CEP128: variants seen among roughly 807,000 people sequenced by gnomAD.
CEP128 encodes the protein centrosomal protein 128kDa.
In CEP128, 132 loss-of-function variants were observed where a neutral mutation model predicts 156.7. That is an observed-to-expected ratio of 0.84 (90% CI 0.73 to 0.97). The LOEUF (loss-of-function observed/expected upper bound fraction) is 0.97, where lower values mean the gene tolerates loss of function less well. CEP128 is among the 50% of genes least tolerant of loss of function. The pLI is 0.00. For synonymous variants in CEP128, 469 were observed against 448.9 expected, an observed-to-expected ratio of 1.04 and a Z score of -0.57; for missense variants, 1,252 against 1,281.9, an observed-to-expected ratio of 0.98 and a Z score of 0.36.
At chr14:80,788,555 A>T (rs947120330) in intron 14 of CEP128, among the ~76,000 whole-genome samples, 1 of 152,048 alleles carries the variant, frequency 6.6e-6, no homozygotes, top group Non-Finnish European at 1.5e-5. Flanking sequence ...TGAAATATGT[A>T]CACAACATAC....
intron 19 of CEP128, among the ~76,000 whole-genome samples, chr14:80,651,230 G>A (rs1366469031): frequency 6.6e-6 from 1 of 152,078 alleles, no homozygotes; most frequent in African/African-American, 2.4e-5. Flanking sequence ...CTCTCTGATG[G>A]TAGTTTGTAT....
At chr14:80,558,103 G>A (rs1053564766) in intron 21 of CEP128, among the ~76,000 whole-genome samples, 6 of 152,074 alleles carry the variant, frequency 3.9e-5, no homozygotes, top group Admixed American at 3.9e-4. Flanking sequence ...ACTGATCACT[G>A]TTGTGAGTTT....
At chr14:80,574,423 T>C (rs1292165160) in intron 20 of CEP128, among the ~76,000 whole-genome samples, 3 of 152,180 alleles carry the variant, frequency 2.0e-5, no homozygotes, top group Non-Finnish European at 4.4e-5. Flanking sequence ...ACAGAAATTA[T>C]CCACCTGGTC....
chr14:80,814,466 A>T (rs1384075855), intron 13 of CEP128, among the ~76,000 whole-genome samples: 2 of 144,044 alleles, frequency 1.4e-5, no homozygotes, highest in East Asian at 4.1e-4. Context: ...TCCTAGCACA[A>T]TCCACCATTA....
intron 22 of CEP128, among the ~76,000 whole-genome samples, chr14:80,530,192 T>C (rs531835786): frequency 2.0e-5 from 3 of 152,342 alleles, no homozygotes; most frequent in Admixed American, 6.5e-5. Context: ...TATACGACGT[T>C]CTTGGGACCA....
chr14:80,656,562 T>C (rs1487934821), intron 19 of CEP128, among the ~76,000 whole-genome samples: 2 of 151,734 alleles, frequency 1.3e-5, no homozygotes, highest in African/African-American at 4.8e-5. Context: ...CTCTTAACTA[T>C]GGTGTTAATT....
rs117788862 is a variant in CEP128, at chr14:80,896,537, T to C, written c.573-747A>G. ...TATGTTATTACCATTTTTAGTTCTA[T>C]TGGTTACCTGTAGAGTTTTATGTAA... On this transcript the variant is annotated intron_variant, in intron 7 of 24. Coordinates refer to ENST00000555265, the MANE Select transcript of CEP128 (RefSeq NM_152446.5). 2.7e-4 allele frequency among the ~76,000 whole-genome samples: 41 copies of C among 152,342 alleles called. No individual in the cohort carries two copies. In the East Asian group the frequency reaches 7.9e-3, roughly 29 times the overall value.
intron 2 of CEP128, among the ~76,000 whole-genome samples, chr14:80,924,229 C>A (rs1272087630): frequency 1.3e-5 from 2 of 152,166 alleles, no homozygotes; most frequent in African/African-American, 4.8e-5. Context: ...CATGCAGAAA[C>A]AATTAACAAT....
intron 18 of CEP128, 52 bp from the exon 19 acceptor site, chr14:80,743,319 C>T: frequency 7.8e-7 from 1 of 1,285,704 alleles, no homozygotes. Context: ...AAAAGAGCAG[C>T]ATTTCAAAAC....
intron 19 of CEP128, among the ~76,000 whole-genome samples, chr14:80,626,845 G>A (rs970431466): frequency 7.2e-5 from 11 of 152,096 alleles, no homozygotes; most frequent in South Asian, 2.1e-4. Flanking sequence ...CAGGAGAATC[G>A]CTTGAACCCA....
intron 23 of CEP128, 38 bp downstream of exon 23, chr14:80,526,831 A>T (rs371011798): frequency 1.8e-6 from 2 of 1,134,734 alleles, no homozygotes; most frequent in African/African-American, 1.5e-5. Flanking sequence ...AAACATGGAT[A>T]CTACTTAAAG....
rs140724833 is a variant in CEP128 at position 80,498,882 on chromosome 14, T to C, written c.3182-1300A>G. Reference sequence around the variant, plus strand: ...ACAACTGAATATAGGTGAGGGATTTTAAGATGACAGCCAACTGGGGATTTT... The same window carrying C: ...ACAACTGAATATAGGTGAGGGATTTCAAGATGACAGCCAACTGGGGATTTT... On this transcript the variant is annotated intron_variant, in intron 24 of 24. Coordinates refer to ENST00000555265, the MANE Select transcript of CEP128 (RefSeq NM_152446.5). Among the ~76,000 whole-genome samples the C allele has an allele frequency of 3.1e-3, 473 of 152,332 alleles. 3 individuals carry two copies. Among genetic ancestry groups the C allele is most frequent in the African/African-American group, 0.011 (446 of 41,580 alleles).
intron 8 of CEP128, among the ~76,000 whole-genome samples, chr14:80,864,079 T>A (rs1887650069): frequency 6.6e-6 from 1 of 152,236 alleles, no homozygotes; most frequent in East Asian, 1.9e-4. Context: ...ACCTTTATGA[T>A]GATCAACTTC....
chr14:80,850,175 T>C (rs1435392113), intron 9 of CEP128, among the ~76,000 whole-genome samples: 1 of 152,160 alleles, frequency 6.6e-6, no homozygotes, highest in Non-Finnish European at 1.5e-5. Context: ...TGTCTTCATA[T>C]AAAATACACA....
At chr14:80,950,433 G>GA (rs1406039337) in intron 2 of CEP128, among the ~76,000 whole-genome samples, 2 of 152,142 alleles carry the variant, frequency 1.3e-5, no homozygotes, top group South Asian at 2.1e-4. Flanking sequence ...AAGAGACATG[G>GA]AAAATATGAA....
chr14:80,944,967 T>C (rs1450986856), upstream of CEP128, among the ~76,000 whole-genome samples: 1 of 151,414 alleles, frequency 6.6e-6, no homozygotes, highest in Admixed American at 6.6e-5. Flanking sequence ...ACAAGTATCA[T>C]TTGCAGTACC....
chr14:80,680,065 A>G (rs115762523), intron 19 of CEP128, among the ~76,000 whole-genome samples: 11,294 of 152,242 alleles, frequency 0.074, 581 homozygotes, highest in South Asian at 0.23. Flanking sequence ...CAGAGATTGG[A>G]GTGCCTGCTC....
intron 2 of CEP128, among the ~76,000 whole-genome samples, chr14:80,926,291 AC>A (rs1347600009): frequency 6.6e-6 from 1 of 152,064 alleles, no homozygotes; most frequent in Non-Finnish European, 1.5e-5. Flanking sequence ...GCTGCCTGGA[AC>A]CCAGCTAGCT....
chr14:80,929,614 A>C (rs1053236401), intron 2 of CEP128, among the ~76,000 whole-genome samples: 1 of 152,202 alleles, frequency 6.6e-6, no homozygotes, highest in Non-Finnish European at 1.5e-5. Context: ...GTAACTCAGA[A>C]ATCAAAAGCC....
Sources: gnomAD v4.1 joint callset for allele counts (sites outside exome capture counted in the v4.1 genomes callset) on GRCh38, gnomAD v4.1.1 for gene constraint, MANE v1.5 for transcripts, NCBI Gene and HGNC (gene_info 2026-07-23, HGNC 2026-07-21) for gene names.